The following RIC1 variants were observed in gnomAD, a reference collection of about 807,000 sequenced individuals.
RIC1 encodes the protein guanine nucleotide exchange factor subunit RIC1.
In RIC1, 88 loss-of-function variants were observed where a neutral mutation model predicts 169.0. That is an observed-to-expected ratio of 0.52 (90% CI 0.44 to 0.62). The LOEUF (loss-of-function observed/expected upper bound fraction) is 0.62. Ranked by LOEUF, RIC1 falls within the 20% of genes least tolerant of loss-of-function variation. The pLI is 0.00. For missense variants in RIC1, 1,877 were observed against 1,725.5 expected, an observed-to-expected ratio of 1.09 and a Z score of -1.56; for synonymous variants, 790 against 601.5, an observed-to-expected ratio of 1.31 and a Z score of -4.59.
At chr9:5,738,754 A>T (rs1283191572) in intron 8 of RIC1, among the ~76,000 whole-genome samples, 1 of 151,982 alleles carries the variant, frequency 6.6e-6, no homozygotes, top group African/African-American at 2.4e-5. Context: ...TTGACCTAGA[A>T]GTTTTCTGCT....
At chr9:5,749,764 C>CTTTTT (rs769556596) in intron 12 of RIC1, among the ~76,000 whole-genome samples, 2 of 36,332 alleles carry the variant, frequency 5.5e-5, no homozygotes, top group Non-Finnish European at 9.3e-5. Context: ...AAAGGCGGTG[C>CTTTTT]TTTTTTTTTT....
intron 1 of RIC1, among the ~76,000 whole-genome samples, chr9:5,641,093 C>T (rs1190203548): frequency 1.2e-4 from 17 of 147,330 alleles, no homozygotes; most frequent in African/African-American, 4.3e-4. Context: ...ATAAGGTAGT[C>T]TTCTTTTTTT....
chr9:5,717,728 G>A (rs12379318), intron 4 of RIC1, among the ~76,000 whole-genome samples: 10 of 151,004 alleles, frequency 6.6e-5, no homozygotes, highest in Non-Finnish European at 1.3e-4. Flanking sequence ...GCCTGTCATC[G>A]CAGCTACTCA....
chr9:5,668,514 T>C (rs1253390185), intron 2 of RIC1, among the ~76,000 whole-genome samples: 2 of 152,182 alleles, frequency 1.3e-5, no homozygotes, highest in African/African-American at 2.4e-5. Context: ...TATTCCTATA[T>C]TATGTATGTT....
intron 6 of RIC1, among the ~76,000 whole-genome samples, chr9:5,722,915 C>T (rs1410634338): frequency 4.6e-5 from 7 of 152,196 alleles, no homozygotes; most frequent in Admixed American, 2.6e-4. Flanking sequence ...GCATAGTATT[C>T]CATGGTGTAT....
chr9:5,647,847 C>T (rs1358119667), intron 1 of RIC1, among the ~76,000 whole-genome samples: 2 of 150,842 alleles, frequency 1.3e-5, no homozygotes, highest in Non-Finnish European at 2.9e-5. Context: ...AGCTTTCCAT[C>T]TTTTCACCAT....
rs900730926 is a variant in RIC1 at position 5,657,585 on chromosome 9, T to G, written c.252+895T>G. Reference sequence around the variant, plus strand: ...ATATTAGAGAGATAAGGTATAAACTTAGCTACTCAGCTTCCATTTACTATA... The same window carrying G: ...ATATTAGAGAGATAAGGTATAAACTGAGCTACTCAGCTTCCATTTACTATA... On this transcript the variant is annotated intron_variant, in intron 2 of 25. Transcript: ENST00000414202. Among the ~76,000 whole-genome samples, 8 of 152,252 alleles carry G rather than the reference T, an allele frequency of 5.3e-5. No individual in the cohort carries two copies. In the East Asian group the frequency reaches 1.2e-3, roughly 22 times the overall value.
At chr9:5,771,975 C>T (rs1157308704) in intron 23 of RIC1, among the ~76,000 whole-genome samples, 2 of 152,180 alleles carry the variant, frequency 1.3e-5, no homozygotes, top group East Asian at 3.8e-4. Flanking sequence ...ATACCATTAT[C>T]ATCCCTATAA....
chr9:5,679,076 T>C (rs1586931060), intron 2 of RIC1, among the ~76,000 whole-genome samples: 2 of 152,322 alleles, frequency 1.3e-5, no homozygotes, highest in Middle Eastern at 3.4e-3. Context: ...TAGCCAGTTT[T>C]CCCAGCACCA....
chr9:5,658,766 CCCT>C (rs1819262434), intron 2 of RIC1, among the ~76,000 whole-genome samples: 1 of 151,478 alleles, frequency 6.6e-6, no homozygotes, highest in African/African-American at 2.4e-5. Flanking sequence ...TCTTGAATTG[CCCT>C]CCTCCACAGC....
At position 5,706,547 on chromosome 9, in the gene RIC1, T is replaced by C. The variant is rs537557636; in HGVS notation, c.333-7349T>C. ...TGAATGTTCATTCTTATTTAAATAT[T>C]GTATAGGTCACTAATTAAGCCATCT... On this transcript the variant is annotated intron_variant, in intron 3 of 25. Transcript: ENST00000414202. 2.0e-5 allele frequency among the ~76,000 whole-genome samples: 3 copies of C among 152,256 alleles called. 1 individual carries two copies. The South Asian group carries it at 6.2e-4, about 32-fold the overall frequency.
chr9:5,746,443 A>G lies in RIC1; in HGVS notation c.1248+360A>G, dbSNP rs980733243. ...AGTAGCAGTTCCACAGGATTTTTTA[A>G]AAGTTTTGTTTCCATATAAGTGTCA... is the stretch of plus-strand genomic sequence containing the variant. On this transcript the variant is annotated intron_variant, in intron 11 of 25. Coordinates refer to ENST00000414202, the MANE Select transcript of RIC1 (RefSeq NM_020829.4). Among the ~76,000 whole-genome samples, 16 of 152,282 alleles carry G rather than the reference A, an allele frequency of 1.1e-4. 1 individual carries two copies. The highest frequency in any genetic ancestry group is 6.5e-4 in the Admixed American group (10 of 15,292).
chr9:5,657,637 G>T (rs770065355), intron 2 of RIC1, among the ~76,000 whole-genome samples: 5 of 151,930 alleles, frequency 3.3e-5, no homozygotes, highest in Admixed American at 1.3e-4. Context: ...ATCTCTTTGC[G>T]TTGGTCCCTT....
At chr9:5,703,590 G>T (rs1586980263) in intron 3 of RIC1, among the ~76,000 whole-genome samples, 1 of 152,128 alleles carries the variant, frequency 6.6e-6, no homozygotes, top group African/African-American at 2.4e-5. Flanking sequence ...TGTACCTTTT[G>T]TGTCTTATTT....
intron 8 of RIC1, among the ~76,000 whole-genome samples, chr9:5,740,640 G>A (rs138404105): frequency 8.6e-5 from 13 of 150,860 alleles, no homozygotes; most frequent in African/African-American, 1.7e-4. Flanking sequence ...CGAGATGTAG[G>A]CTGGGGGGCT....
At chr9:5,729,424 G>T (rs77162770) in intron 6 of RIC1, among the ~76,000 whole-genome samples, 1 of 152,078 alleles carries the variant, frequency 6.6e-6, no homozygotes, top group African/African-American at 2.4e-5. Flanking sequence ...CAAGCCTTTC[G>T]TGTACCCTAC....
At chr9:5,722,146 C>T (rs929851655) in intron 6 of RIC1, among the ~76,000 whole-genome samples, 74 of 151,954 alleles carry the variant, frequency 4.9e-4, no homozygotes, top group African/African-American at 1.6e-3. Context: ...CCTCAGCCTC[C>T]CAATGTGCTG....
At chr9:5,769,767 T>C (rs2146709) in intron 22 of RIC1, 6,837 of 264,094 alleles carry the variant, frequency 0.026, 144 homozygotes, top group Middle Eastern at 0.098. Context: ...AACCAAAACT[T>C]TTAACTTTGG....
chr9:5,727,254 T>C (rs113220134), intron 6 of RIC1, among the ~76,000 whole-genome samples: 32 of 152,302 alleles, frequency 2.1e-4, no homozygotes, highest in African/African-American at 7.7e-4. Flanking sequence ...TGTTCATTTC[T>C]TTTTACTCTT....
Sources: gnomAD v4.1 joint callset for allele counts (sites outside exome capture counted in the v4.1 genomes callset) on GRCh38, gnomAD v4.1.1 for gene constraint, MANE v1.5 for transcripts, NCBI Gene and HGNC (gene_info 2026-07-23, HGNC 2026-07-21) for gene names.